GABRB1: variants seen among roughly 807,000 people sequenced by gnomAD.
GABRB1 encodes gamma-aminobutyric acid receptor subunit beta-1.
In GABRB1, 17 loss-of-function variants were observed where a neutral mutation model predicts 51.6. The observed-to-expected ratio is 0.33, with a 90% CI of 0.23 to 0.49. The LOEUF (loss-of-function observed/expected upper bound fraction) is 0.49, where lower values mean the gene tolerates loss of function less well. Among genes scored for constraint, GABRB1 ranks in the 20% least tolerant of loss-of-function variants. GABRB1 has a pLI of 0.99. For synonymous variants in GABRB1, 247 were observed against 218.9 expected (o/e 1.13, Z -1.14); for missense variants, 410 against 600.6 (o/e 0.68, Z 3.32).
chr4:47,416,462 T>C (rs915348296), intron 8 of GABRB1, among the ~76,000 whole-genome samples: 2 of 151,856 alleles, frequency 1.3e-5, no homozygotes, highest in African/African-American at 4.8e-5. Flanking sequence ...ACTTTTTTTT[T>C]TTTTTTGAGA....
intron 3 of GABRB1, among the ~76,000 whole-genome samples, chr4:47,047,462 G>T (rs1196050849): frequency 2.0e-5 from 3 of 152,004 alleles, no homozygotes; most frequent in Non-Finnish European, 4.4e-5. Context: ...CTTGCCCAAA[G>T]TTATATAACA....
intron 3 of GABRB1, among the ~76,000 whole-genome samples, chr4:47,125,142 G>C (rs1716057323): frequency 6.6e-6 from 1 of 152,072 alleles, no homozygotes; most frequent in Non-Finnish European, 1.5e-5. Flanking sequence ...TCTCAGCAGA[G>C]ACCTTACAGG....
intron 4 of GABRB1, among the ~76,000 whole-genome samples, chr4:47,289,348 A>G (rs1723639112): frequency 6.6e-6 from 1 of 152,234 alleles, no homozygotes; most frequent in Non-Finnish European, 1.5e-5. Flanking sequence ...CAACTGACAC[A>G]GTAATCTCAT....
At chr4:47,418,256 A>G (rs1728990109) in intron 8 of GABRB1, among the ~76,000 whole-genome samples, 1 of 152,228 alleles carries the variant, frequency 6.6e-6, no homozygotes, top group South Asian at 2.1e-4. Context: ...ATTTCTTGCA[A>G]TTGTGGAAGC....
chr4:47,057,852 A>G (rs879446121), intron 3 of GABRB1, among the ~76,000 whole-genome samples: 6 of 152,212 alleles, frequency 3.9e-5, no homozygotes, highest in Non-Finnish European at 7.3e-5. Context: ...ATGAATTTTT[A>G]CACAAGTATA....
chr4:47,212,933 A>G (rs1027919590), intron 4 of GABRB1, among the ~76,000 whole-genome samples: 2 of 152,152 alleles, frequency 1.3e-5, no homozygotes, highest in Non-Finnish European at 2.9e-5. Context: ...AAACAAAACA[A>G]AACAAAACCT....
intron 4 of GABRB1, among the ~76,000 whole-genome samples, chr4:47,173,776 A>G (rs1456636372): frequency 1.3e-5 from 2 of 152,040 alleles, no homozygotes; most frequent in African/African-American, 2.4e-5. Context: ...ACATATCGTT[A>G]GCTGATTTGC....
At chr4:47,314,455 C>T (rs1231002575) in intron 4 of GABRB1, among the ~76,000 whole-genome samples, 2 of 151,852 alleles carry the variant, frequency 1.3e-5, no homozygotes, top group Non-Finnish European at 2.9e-5. Context: ...CAATGCATGT[C>T]CTGATTTAAT....
intron 4 of GABRB1, among the ~76,000 whole-genome samples, chr4:47,181,284 G>T (rs553325987): frequency 2.0e-4 from 31 of 152,024 alleles, no homozygotes; most frequent in Non-Finnish European, 3.5e-4. Context: ...TCAGGCTTCA[G>T]TTATATCCGT....
At chr4:47,016,585 T>TTATTTATTTATC (rs1176576374) in intron 1 of GABRB1, among the ~76,000 whole-genome samples, 20 of 151,678 alleles carry the variant, frequency 1.3e-4, no homozygotes, top group African/African-American at 4.8e-4. Flanking sequence ...ATTTATTTAT[T>TTATTTATTTATC]TATCTATCTA....
chr4:47,409,424 A>C (rs570398260), intron 8 of GABRB1, among the ~76,000 whole-genome samples: 1 of 152,142 alleles, frequency 6.6e-6, no homozygotes, highest in Non-Finnish European at 1.5e-5. Flanking sequence ...CTTCCCCAGG[A>C]GTTTGGCCAT....
intron 4 of GABRB1, 35 bp from the exon 5 acceptor site, chr4:47,320,092 G>A (rs1439557948): frequency 7.4e-7 from 1 of 1,359,894 alleles, no homozygotes; most frequent in Non-Finnish European, 1.1e-6. Context: ...CATCACTTTT[G>A]TAATGTTTTC....
intron 3 of GABRB1, among the ~76,000 whole-genome samples, chr4:47,140,940 T>A (rs1397264558): frequency 6.6e-6 from 1 of 151,960 alleles, no homozygotes; most frequent in East Asian, 1.9e-4. Flanking sequence ...GAAAATATTT[T>A]GTCTACAATC....
intron 8 of GABRB1, among the ~76,000 whole-genome samples, chr4:47,421,953 C>G (rs1729103854): frequency 6.6e-6 from 1 of 152,136 alleles, no homozygotes; most frequent in Admixed American, 6.5e-5. Context: ...AATTCTCCCT[C>G]CTTTAAGGAA....
rs190227381 is a variant in GABRB1 at position 47,094,478 on chromosome 4, C to T, written c.240+61994C>T. 4.5e-4 allele frequency among the ~76,000 whole-genome samples: 69 copies of T among 152,074 alleles called. No individual in the cohort carries two copies. In the Middle Eastern group the frequency reaches 0.01, roughly 22 times the overall value. ...CACCTTGTGATCCACCCGCCTCGGC[C>T]TCCCAAAGTACTGGGATTACAGGCA... On this transcript the variant is annotated intron_variant, in intron 3 of 8. Coordinates refer to ENST00000295454, the MANE Select transcript of GABRB1 (RefSeq NM_000812.4).
chr4:47,118,293 T>C (rs1464962539), intron 3 of GABRB1, among the ~76,000 whole-genome samples: 2 of 152,160 alleles, frequency 1.3e-5, no homozygotes, highest in Non-Finnish European at 2.9e-5. Context: ...ATTTGCCATG[T>C]AATTTCAGTG....
chr4:47,269,871 T>A (rs937442468), intron 4 of GABRB1, among the ~76,000 whole-genome samples: 1 of 151,186 alleles, frequency 6.6e-6, no homozygotes, highest in Non-Finnish European at 1.5e-5. Flanking sequence ...ACATCAAACT[T>A]AATTTTTACA....
chr4:47,087,840 A>G (rs1206993857), intron 3 of GABRB1, among the ~76,000 whole-genome samples: 1 of 152,314 alleles, frequency 6.6e-6, no homozygotes, highest in East Asian at 1.9e-4. Context: ...TATTTGAGGA[A>G]ATAATGAGTA....
At chr4:47,352,862 G>A (rs1726407260) in intron 5 of GABRB1, among the ~76,000 whole-genome samples, 1 of 152,170 alleles carries the variant, frequency 6.6e-6, no homozygotes, top group South Asian at 2.1e-4. Context: ...TTCCCAGCAT[G>A]TTTCTAGATC....
Sources: gnomAD v4.1 joint callset for allele counts (sites outside exome capture counted in the v4.1 genomes callset) on GRCh38, gnomAD v4.1.1 for gene constraint, MANE v1.5 for transcripts, NCBI Gene and HGNC (gene_info 2026-07-23, HGNC 2026-07-21) for gene names.